Variants in NAXD observed in about 807,000 individuals in gnomAD.
NAXD encodes the protein ATP-dependent (S)-NAD(P)H-hydrate dehydratase.
Under a neutral mutation model 35.8 loss-of-function variants are expected in NAXD, and 22 were observed. The ratio of observed to expected loss-of-function variants is 0.62; its 90% confidence interval spans 0.44 to 0.88. NAXD has a LOEUF of 0.88. Ranked by LOEUF, NAXD falls within the 40% of genes least tolerant of loss-of-function variation. The probability of loss-of-function intolerance (pLI) is 0.00; values close to 1 mark genes in which losing one functional copy is unlikely to be tolerated. For missense variants in NAXD, 428 were observed against 437.7 expected (o/e 0.98, Z 0.20); for synonymous variants, 189 against 177.6 (o/e 1.06, Z -0.51).
chr13:110,628,759 T>TGG lies in NAXD; in HGVS notation c.441+1215_441+1216dup, dbSNP rs1382755585. 6.6e-6 allele frequency among the ~76,000 whole-genome samples: 1 copy of TGG among 152,070 alleles called. No individual in the cohort carries two copies. Among genetic ancestry groups the TGG allele is most frequent in the Admixed American group, 6.6e-5 (1 of 15,258 alleles). On this transcript the variant is annotated intron_variant, in intron 5 of 9. Coordinates refer to ENST00000680254, the MANE Select transcript of NAXD (RefSeq NM_001242882.2). The surrounding 1 kb of genome is among the most constrained non-coding windows in gnomAD (Gnocchi z 4.1). Reference sequence around the variant, plus strand: ...GTCATCCCCGGGGAGAGGCTCTCAATGGGGAGTCCCATCTGCAGGCTGCGG... The same window carrying TGG: ...GTCATCCCCGGGGAGAGGCTCTCAATGGGGGGAGTCCCATCTGCAGGCTGCGG...
At position 110,633,148 on chromosome 13, in the gene NAXD, C is replaced by T. The variant is rs1190122912; in HGVS notation, c.442-1397C>T. Among the ~76,000 whole-genome samples, 5 of 152,148 alleles carry T rather than the reference C, an allele frequency of 3.3e-5. No individual in the cohort carries two copies. In the South Asian group the frequency reaches 6.2e-4, roughly 19 times the overall value. On this transcript the variant is annotated intron_variant, in intron 5 of 9. Coordinates refer to ENST00000680254, the MANE Select transcript of NAXD (RefSeq NM_001242882.2). Reference sequence around the variant, plus strand: ...GAGGGGGTGGGAGGCTCAGGCATGGCGGGCTGCAGGTCCCGAGCCCTGCCC... The same window carrying T: ...GAGGGGGTGGGAGGCTCAGGCATGGTGGGCTGCAGGTCCCGAGCCCTGCCC...
intron 5 of NAXD, among the ~76,000 whole-genome samples, chr13:110,633,156 A>G (rs941869386): frequency 6.6e-6 from 1 of 151,874 alleles, no homozygotes; most frequent in Non-Finnish European, 1.5e-5. Context: ...GGCGGGCTGC[A>G]GGTCCCGAGC....
At chr13:110,633,126 G>C (rs538511648) in intron 5 of NAXD, among the ~76,000 whole-genome samples, 4 of 152,194 alleles carry the variant, frequency 2.6e-5, no homozygotes, top group Admixed American at 6.5e-5. Flanking sequence ...GCCCATGGAG[G>C]GGGTGGGAGG....
intron 1 of NAXD, 160 bp downstream of exon 1, chr13:110,615,807 CG>C (rs777698975): frequency 5.1e-5 from 66 of 1,295,150 alleles, no homozygotes; most frequent in South Asian, 2.4e-4. Flanking sequence ...TGCTGGCTCG[CG>C]GGGGGGAAGC....
intron 9 of NAXD, among the ~76,000 whole-genome samples, chr13:110,637,527 G>A (rs937684731): frequency 6.6e-6 from 1 of 152,204 alleles, no homozygotes; most frequent in African/African-American, 2.4e-5. Context: ...CCAGCAGCAC[G>A]CTGTTCTGGG....
rs1466943909 is a variant in NAXD at position 110,639,806 on chromosome 13, T to G, written c.*1278T>G. 6.6e-6 allele frequency: 1 copy of G among 152,180 alleles called. No homozygotes were observed. Among genetic ancestry groups the G allele is most frequent in the Admixed American group, 6.5e-5 (1 of 15,282 alleles). 9.4% of individuals were successfully genotyped at this position (152,180 alleles called of 1,614,324 possible). On this transcript the variant is annotated 3_prime_UTR_variant, in exon 10 of 10. Transcript: ENST00000680254. ...ATGCAGACATGCCCCAGATGGATTC[T>G]ACTTTCTTTAAAACTAGGGACTTTC...
intron 8 of NAXD, 141 bp downstream of exon 8, chr13:110,635,729 A>G: frequency 1.0e-6 from 1 of 989,682 alleles, no homozygotes; most frequent in African/African-American, 1.6e-5. Flanking sequence ...GAGCTCGTCA[A>G]CCACACTTTC....
At chr13:110,630,662 T>G (rs917680888) in intron 5 of NAXD, among the ~76,000 whole-genome samples, 1 of 152,188 alleles carries the variant, frequency 6.6e-6, no homozygotes, top group African/African-American at 2.4e-5. Context: ...GGTTGTTACT[T>G]TAGCTCTGCG....
At chr13:110,637,781 G>C (rs558855106) in intron 9 of NAXD, 211 of 463,056 alleles carry the variant, frequency 4.6e-4, no homozygotes, top group Non-Finnish European at 7.9e-4. Flanking sequence ...GCAGGTGCTA[G>C]GTGTGGCAGA....
At chr13:110,618,622 G>A (rs1886146245) in intron 1 of NAXD, among the ~76,000 whole-genome samples, 1 of 152,144 alleles carries the variant, frequency 6.6e-6, no homozygotes, top group Admixed American at 6.5e-5. Flanking sequence ...AGAAAAATCC[G>A]CCTTAGAAAG....
In NAXD at chr13:110,634,728, T is replaced by C. The variant is rs1407568658; in HGVS notation, c.549T>C (p.Ala183=). 3.1e-6 allele frequency: 5 copies of C among 1,614,118 alleles called. No homozygotes were observed. Among genetic ancestry groups the C allele is most frequent in the South Asian group, 2.2e-5 (2 of 91,086 alleles). Residue 183 remains alanine, a synonymous_variant, in exon 7 of 10, where the codon GCT becomes GCC. Coordinates refer to ENST00000680254, the MANE Select transcript of NAXD (RefSeq NM_001242882.2). ...QPALIHGYRK[A]VLTPNHVEFS... ...CCCTCATCCATGGCTACCGGAAGGC[T>C]GTGCTCACTCCCAACCACGTGGAGT...
intron 6 of NAXD, 34 bp downstream of exon 6, chr13:110,634,629 C>G: frequency 6.2e-7 from 1 of 1,614,088 alleles, no homozygotes; most frequent in South Asian, 1.1e-5. Flanking sequence ...GCTCGGACTC[C>G]CGGAAGGCCT....
intron 1 of NAXD, chr13:110,616,399 T>C (rs1886056878): frequency 6.5e-6 from 1 of 152,680 alleles, no homozygotes; most frequent in Non-Finnish European, 1.5e-5. Context: ...CAGGCCTCCT[T>C]CGCCCGCCCC....
Position 110,638,707 on chromosome 13 carries a change from C to G in NAXD, c.*179C>G. On this transcript the variant is annotated 3_prime_UTR_variant, in exon 10 of 10. Transcript: ENST00000680254. The surrounding 1 kb of genome is among the most constrained non-coding windows in gnomAD (Gnocchi z 5.4). ...TGGAATATTGCAGCTTTTGGTTAAACTTAATGCATGGTTGGAGATGTTATG... is the reference window on the plus strand; with the variant it reads ...TGGAATATTGCAGCTTTTGGTTAAAGTTAATGCATGGTTGGAGATGTTATG... The G allele has an allele frequency of 1.3e-6, 1 of 753,988 alleles. No individual in the cohort carries two copies. Among genetic ancestry groups the G allele is most frequent in the East Asian group, 2.7e-5 (1 of 37,494 alleles). The allele number at this position is 753,988 out of a possible 1,614,324, so 46.7% of individuals were successfully genotyped here.
chr13:110,635,413 C>A, intron 7 of NAXD, 55 bp from the exon 8 acceptor site: 1 of 1,591,516 alleles, frequency 6.3e-7, no homozygotes, highest in Non-Finnish European at 8.6e-7. Context: ...GGCTATCTGT[C>A]GTCGTGTGTC....
intron 2 of NAXD, among the ~76,000 whole-genome samples, chr13:110,623,331 A>G (rs1886336832): frequency 6.6e-6 from 1 of 152,198 alleles, no homozygotes; most frequent in Non-Finnish European, 1.5e-5. Flanking sequence ...ACTGCTCGGA[A>G]TGGACATAAA....
chr13:110,624,525 C>G (rs1886388345), intron 3 of NAXD, among the ~76,000 whole-genome samples: 1 of 152,162 alleles, frequency 6.6e-6, no homozygotes, highest in African/African-American at 2.4e-5. Flanking sequence ...ATGGCGGGAT[C>G]TCGGCTCACA....
In NAXD at chr13:110,615,557, T is replaced by G. The variant is rs1482571886; in HGVS notation, c.-45T>G. 1.5e-6 allele frequency: 2 copies of G among 1,338,208 alleles called. No individual in the cohort carries two copies. The highest frequency in any genetic ancestry group is 1.9e-6 in the Non-Finnish European group (2 of 1,044,474). The allele number at this position is 1,338,208 out of a possible 1,614,324, so 82.9% of individuals were successfully genotyped here. On this transcript the variant is annotated 5_prime_UTR_variant, in exon 1 of 10. Transcript: ENST00000680254. ...GGAAAACGCTTCCAATGGCTGTGTT[T>G]CCGGCGACGGCGCGGGGGCAGCTGG...
At position 110,628,920 on chromosome 13, in the gene NAXD, T is replaced by C. The variant is rs1247664171; in HGVS notation, c.441+1373T>C. 6.7e-6 allele frequency among the ~76,000 whole-genome samples: 1 copy of C among 150,094 alleles called. No individual in the cohort carries two copies. Among genetic ancestry groups the C allele is most frequent in the Non-Finnish European group, 1.5e-5 (1 of 68,036 alleles). On this transcript the variant is annotated intron_variant, in intron 5 of 9. Coordinates refer to ENST00000680254, the MANE Select transcript of NAXD (RefSeq NM_001242882.2). This position sits in a 1 kb window ranked among gnomAD's most constrained non-coding sequence, Gnocchi z 4.1. The stretch of plus-strand genomic sequence containing the variant: ...TTTAAGTTCACAATTTAAAAACTGG[T>C]ATCTTAAAAAACCACTGTACTGCGT...
Sources: allele counts gnomAD v4.1 joint callset (sites outside exome capture counted in the v4.1 genomes callset), GRCh38; gene constraint gnomAD v4.1.1; non-coding constraint Gnocchi (gnomAD v3.1); transcripts MANE v1.5; gene names NCBI Gene and HGNC (gene_info 2026-07-23, HGNC 2026-07-21).